The following NRP1 variants were observed in gnomAD, a reference collection of about 807,000 sequenced individuals.
NRP1 encodes neuropilin-1.
NRP1 carries 35 observed loss-of-function variants against 106.7 expected under a neutral mutation model. That is an observed-to-expected ratio of 0.33 (90% CI 0.25 to 0.43). The LOEUF (loss-of-function observed/expected upper bound fraction) is 0.43. NRP1 is among the 20% of genes least tolerant of loss of function. The pLI is 1.00. For missense variants in NRP1, 1,024 were observed against 1,170.4 expected (o/e 0.87, Z 1.83); for synonymous variants, 437 against 417.9 (o/e 1.05, Z -0.56).
At chr10:33,327,726 G>A (rs918641430) in intron 2 of NRP1, among the ~76,000 whole-genome samples, 18 of 151,908 alleles carry the variant, frequency 1.2e-4, no homozygotes, top group African/African-American at 4.4e-4. Flanking sequence ...TCTTCTCAAA[G>A]CCTTCACAAA....
At position 33,237,576 on chromosome 10, in the gene NRP1, CTTTTTTTTTTT is replaced by C. The variant is rs36019831; in HGVS notation, c.982-11298_982-11288del. ...TGCTATGATGAATATTTTCCTTCTT[CTTTTTTTTTTT>C]TTTTTTTTTTGAGATGGAGTCTGGC... is the stretch of plus-strand genomic sequence containing the variant. On this transcript the variant is annotated intron_variant, in intron 6 of 16. Transcript: ENST00000374867. Among the ~76,000 whole-genome samples the C allele has an allele frequency of 2.0e-4, 20 of 99,870 alleles. No individual in the cohort carries two copies. In the South Asian group the frequency reaches 4.1e-3, roughly 21 times the overall value. The allele number at this position is 99,870 out of a possible 152,430, so 65.5% of individuals were successfully genotyped here. A position where few individuals can be genotyped will look rare whatever the true frequency, so the allele number is the denominator to read the frequency against.
intron 2 of NRP1, among the ~76,000 whole-genome samples, chr10:33,272,810 T>A (rs1435178190): frequency 2.0e-5 from 3 of 152,150 alleles, no homozygotes; most frequent in Non-Finnish European, 4.4e-5. Context: ...ATAGGCTTTT[T>A]ACTTGAATCC....
intron 4 of NRP1, 33 bp from the exon 5 acceptor site, chr10:33,256,504 T>C (rs1160832544): frequency 6.2e-7 from 1 of 1,605,246 alleles, no homozygotes; most frequent in Non-Finnish European, 8.5e-7. Context: ...GATGTCAAAA[T>C]GTCTTTTCTC....
intron 2 of NRP1, among the ~76,000 whole-genome samples, chr10:33,324,779 A>G (rs1433990175): frequency 1.3e-5 from 2 of 152,146 alleles, no homozygotes; most frequent in Admixed American, 6.5e-5. Flanking sequence ...CTGGGACTAC[A>G]GGCGTGCACC....
Position 33,330,448 on chromosome 10 carries a change from A to G in NRP1, c.248+260T>C, listed in dbSNP as rs532329010. 2.0e-5 allele frequency among the ~76,000 whole-genome samples: 3 copies of G among 152,308 alleles called. No homozygotes were observed. The South Asian group carries it at 6.2e-4, about 32-fold the overall frequency. On this transcript the variant is annotated intron_variant, in intron 2 of 16. Coordinates refer to ENST00000374867, the MANE Select transcript of NRP1 (RefSeq NM_003873.7). ...ACATACATACTGTATACATTTCTTA[A>G]CAAGAGTTCCCAAACCAAAAGTGCT...
At chr10:33,203,090 T>A in intron 10 of NRP1, 95 bp from the exon 11 acceptor site, 1 of 1,240,358 alleles carries the variant, frequency 8.1e-7, no homozygotes. Context: ...CAGAAAACTT[T>A]AATCTGCGGT....
chr10:33,290,549 CT>C (rs1287341219), intron 2 of NRP1, among the ~76,000 whole-genome samples: 1 of 152,098 alleles, frequency 6.6e-6, no homozygotes, highest in Non-Finnish European at 1.5e-5. Context: ...GAACACGCCA[CT>C]TTTAAAGTCA....
At chr10:33,271,751 G>A (rs1186477779) in intron 2 of NRP1, among the ~76,000 whole-genome samples, 1 of 152,144 alleles carries the variant, frequency 6.6e-6, no homozygotes, top group Non-Finnish European at 1.5e-5. Context: ...TCTTTAAAAT[G>A]TACAAAGCCA....
chr10:33,308,477 G>A (rs1180347511), intron 2 of NRP1, among the ~76,000 whole-genome samples: 1 of 151,560 alleles, frequency 6.6e-6, no homozygotes, highest in Admixed American at 6.6e-5. Context: ...GCTGTCTATA[G>A]AAAATAATCT....
intron 8 of NRP1, among the ~76,000 whole-genome samples, chr10:33,217,954 A>T (rs1388089220): frequency 1.3e-5 from 2 of 152,382 alleles, no homozygotes; most frequent in African/African-American, 2.4e-5. Context: ...ATGAGAAAGT[A>T]ATAACTGCAT....
In NRP1 at chr10:33,213,312, C is replaced by G. The variant is rs2070303; in HGVS notation, c.1614+74G>C. The G allele has an allele frequency of 3.1e-6, 5 of 1,613,908 alleles. No individual in the cohort carries two copies. In the South Asian group the frequency reaches 4.4e-5, roughly 14 times the overall value. ...TGGAAGGAAATAAGAAGCCCTTCCTCGGGAGAATGCCAGAGGCCCTTGATT... is the reference window on the plus strand; with the variant it reads ...TGGAAGGAAATAAGAAGCCCTTCCTGGGGAGAATGCCAGAGGCCCTTGATT... On this transcript the variant is annotated intron_variant, in intron 9 of 16. Transcript: ENST00000374867.
intron 2 of NRP1, among the ~76,000 whole-genome samples, chr10:33,278,357 G>T (rs1427514643): frequency 6.6e-6 from 1 of 152,022 alleles, no homozygotes; most frequent in Non-Finnish European, 1.5e-5. Flanking sequence ...AAATTTCAGG[G>T]ATTATCTCCT....
intron 6 of NRP1, among the ~76,000 whole-genome samples, chr10:33,237,487 G>GCA (rs111698441): frequency 0.13 from 18,551 of 144,630 alleles, 1,332 homozygotes; most frequent in East Asian, 0.37. Context: ...ACATGCGCGC[G>GCA]CACACACACA....
chr10:33,206,954 CA>C (rs1209974792), intron 10 of NRP1, among the ~76,000 whole-genome samples: 1 of 152,204 alleles, frequency 6.6e-6, no homozygotes, highest in African/African-American at 2.4e-5. Context: ...CACGTTGTCT[CA>C]TGTAAAGTTC....
intron 7 of NRP1, among the ~76,000 whole-genome samples, chr10:33,222,394 CCT>C (rs1381825501): frequency 6.6e-6 from 1 of 152,056 alleles, no homozygotes; most frequent in East Asian, 1.9e-4. Flanking sequence ...TGACTTTAAT[CCT>C]TTTTTGATTA....
intron 7 of NRP1, among the ~76,000 whole-genome samples, chr10:33,223,604 GGT>G (rs1436338567): frequency 1.7e-4 from 26 of 152,260 alleles, no homozygotes; most frequent in African/African-American, 5.8e-4. Flanking sequence ...CTCCAGCATG[GGT>G]GACAGAGCAA....
chr10:33,210,793 A>G (rs1364332533), intron 9 of NRP1, among the ~76,000 whole-genome samples: 1 of 152,242 alleles, frequency 6.6e-6, no homozygotes, highest in Non-Finnish European at 1.5e-5. Flanking sequence ...TTTTACATAA[A>G]AGGTACTTGG....
chr10:33,237,491 A>ACG (rs1840660696), intron 6 of NRP1, among the ~76,000 whole-genome samples: 1 of 117,710 alleles, frequency 8.5e-6, no homozygotes, highest in South Asian at 2.7e-4. Context: ...GCGCGCGCAC[A>ACG]CACACACACA....
chr10:33,235,495 C>T (rs993322971), intron 6 of NRP1, among the ~76,000 whole-genome samples: 19 of 152,232 alleles, frequency 1.2e-4, no homozygotes, highest in South Asian at 8.3e-4. Context: ...CACCAGAAAA[C>T]GCTCAGCTTA....
Sources: allele counts gnomAD v4.1 joint callset (sites outside exome capture counted in the v4.1 genomes callset), GRCh38; gene constraint gnomAD v4.1.1; transcripts MANE v1.5; gene names NCBI Gene and HGNC (gene_info 2026-07-23, HGNC 2026-07-21).